Variants in RANBP2 observed in about 807,000 individuals in gnomAD.
The protein encoded by RANBP2 is E3 SUMO-protein ligase RanBP2.
RANBP2 carries 57 observed loss-of-function variants against 303.6 expected under a neutral mutation model. The ratio of observed to expected loss-of-function variants is 0.19; its 90% CI spans 0.15 to 0.23. RANBP2 has a LOEUF of 0.23. RANBP2 is among the 10% of genes least tolerant of loss of function. RANBP2 has a pLI of 1.00. For synonymous variants in RANBP2, 1,167 were observed against 1,301.5 expected, an observed-to-expected ratio of 0.90 and a Z score of 2.23; for missense variants, 3,138 against 3,780.8, an observed-to-expected ratio of 0.83 and a Z score of 4.46.
chr2:109,656,000 T>G, the RANBP2 span, among the ~76,000 whole-genome samples: 2 of 152,182 alleles, frequency 1.3e-5, no homozygotes, highest in African/African-American at 4.8e-5. Flanking sequence ...CAGTTTTGAT[T>G]TGTAAACTGC....
At chr2:109,059,834 T>TG in the RANBP2 span, among the ~76,000 whole-genome samples, 158 of 151,782 alleles carry the variant, frequency 1.0e-3, no homozygotes, top group African/African-American at 3.5e-3. Flanking sequence ...TTTTGGTGGG[T>TG]GGGGGGGATG....
chr2:109,602,896 T>C, the RANBP2 span, among the ~76,000 whole-genome samples: 1 of 126,548 alleles, frequency 7.9e-6, no homozygotes, highest in African/African-American at 3.1e-5. Flanking sequence ...AGGCAGACCC[T>C]GTCTCAAAAA....
intron 6 of RANBP2, among the ~76,000 whole-genome samples, chr2:108,737,505 A>AGT: frequency 7.2e-6 from 1 of 139,772 alleles, no homozygotes; most frequent in African/African-American, 2.7e-5. Flanking sequence ...TACCCAGCTA[A>AGT]TTTTTGTATT....
At chr2:109,616,441 T>C in the RANBP2 span, 1 of 172,482 alleles carries the variant, frequency 5.8e-6, no homozygotes, top group African/African-American at 2.4e-5. Context: ...TGTATCTGAT[T>C]TTATAAGGGG....
At chr2:108,731,289 T>C in intron 3 of RANBP2, 33 bp from the exon 4 acceptor site, 2 of 1,606,078 alleles carry the variant, frequency 1.2e-6, no homozygotes, top group Non-Finnish European at 1.7e-6. Context: ...ATACAATTTA[T>C]TTACTAATCT....
chr2:109,678,427 A>T, the RANBP2 span, among the ~76,000 whole-genome samples: 1 of 151,986 alleles, frequency 6.6e-6, no homozygotes, highest in Non-Finnish European at 1.5e-5. Context: ...TGCTCCCCAC[A>T]CCCCTCCTGC....
chr2:109,623,220 G>A, the RANBP2 span, among the ~76,000 whole-genome samples: 1 of 152,280 alleles, frequency 6.6e-6, no homozygotes, highest in African/African-American at 2.4e-5. Flanking sequence ...TATTACAAAG[G>A]GTGCTATTTT....
At chr2:109,412,944 G>T in the RANBP2 span, among the ~76,000 whole-genome samples, 1 of 152,034 alleles carries the variant, frequency 6.6e-6, no homozygotes, top group Non-Finnish European at 1.5e-5. Context: ...TGGCCCTCCA[G>T]GCCTGTCCAT....
the RANBP2 span, among the ~76,000 whole-genome samples, chr2:109,469,719 G>T: frequency 2.6e-5 from 4 of 152,128 alleles, no homozygotes; most frequent in African/African-American, 9.7e-5. Context: ...CTGGCAGAAC[G>T]CTGAAAAGCT....
the RANBP2 span, among the ~76,000 whole-genome samples, chr2:109,356,454 A>G: frequency 6.6e-6 from 1 of 152,080 alleles, no homozygotes; most frequent in Non-Finnish European, 1.5e-5. Flanking sequence ...GTAGCACGAC[A>G]CTCGACATGC....
At chr2:109,742,707 T>G in the RANBP2 span, among the ~76,000 whole-genome samples, 1 of 146,012 alleles carries the variant, frequency 6.8e-6, no homozygotes, top group Non-Finnish European at 1.5e-5. Context: ...AGACCCAGAA[T>G]AGTCAACATG....
chr2:109,678,629 C>T, the RANBP2 span, among the ~76,000 whole-genome samples: 6 of 152,354 alleles, frequency 3.9e-5, no homozygotes, highest in East Asian at 7.7e-4. Context: ...GAAAAAGGCA[C>T]ACATGAATTT....
the RANBP2 span, among the ~76,000 whole-genome samples, chr2:109,132,939 A>C: frequency 6.6e-6 from 1 of 152,236 alleles, no homozygotes; most frequent in Non-Finnish European, 1.5e-5. Context: ...TGAATATCAG[A>C]CAATTCCAAT....
At chr2:109,303,824 C>A in the RANBP2 span, among the ~76,000 whole-genome samples, 1 of 152,148 alleles carries the variant, frequency 6.6e-6, no homozygotes, top group Non-Finnish European at 1.5e-5. Flanking sequence ...CCATCAAGAC[C>A]GTGAACAAGT....
the RANBP2 span, among the ~76,000 whole-genome samples, chr2:109,252,643 C>A: frequency 2.0e-5 from 3 of 152,192 alleles, no homozygotes; most frequent in South Asian, 6.2e-4. Context: ...AAGTTGAAAA[C>A]GCATGTAATA....
the RANBP2 span, among the ~76,000 whole-genome samples, chr2:109,329,832 A>T: frequency 5.1e-4 from 77 of 152,306 alleles, no homozygotes; most frequent in African/African-American, 1.7e-3. Flanking sequence ...CCAGTTTTGT[A>T]AGGTTTGGAA....
the RANBP2 span, among the ~76,000 whole-genome samples, chr2:109,179,997 A>G: frequency 6.6e-6 from 1 of 152,182 alleles, no homozygotes; most frequent in Non-Finnish European, 1.5e-5. Flanking sequence ...TTTGGGTTGC[A>G]AGAATCAGAC....
the RANBP2 span, among the ~76,000 whole-genome samples, chr2:109,405,616 A>G: frequency 2.0e-5 from 3 of 152,176 alleles, no homozygotes; most frequent in Non-Finnish European, 4.4e-5. Flanking sequence ...ACCAGGCAAC[A>G]CACAGACACA....
chr2:108,918,614 C>T, the RANBP2 span, among the ~76,000 whole-genome samples: 13 of 152,288 alleles, frequency 8.5e-5, no homozygotes, highest in Non-Finnish European at 1.5e-4. Context: ...GCCTACCTCG[C>T]GTGGAGTTCG....
Sources: gnomAD v4.1 joint callset for allele counts (sites outside exome capture counted in the v4.1 genomes callset) on GRCh38, gnomAD v4.1.1 for gene constraint, MANE v1.5 for transcripts, NCBI Gene and HGNC (gene_info 2026-07-23, HGNC 2026-07-21) for gene names.